Variants in CA10 observed in about 807,000 individuals in gnomAD.
The protein encoded by CA10 is carbonic anhydrase 10 (inactive), also known as carbonic anhydrase-related protein 10.
In CA10, 14 loss-of-function variants were observed where a neutral mutation model predicts 44.2. That is an observed-to-expected ratio of 0.32 (90% confidence interval 0.21 to 0.50). The LOEUF (loss-of-function observed/expected upper bound fraction) is 0.50. CA10 is among the 20% of genes least tolerant of loss of function. The pLI is 0.99. For missense variants in CA10, 350 were observed against 409.7 expected (o/e 0.85, Z 1.26); for synonymous variants, 159 against 141.6 (o/e 1.12, Z -0.87).
intron 3 of CA10, among the ~76,000 whole-genome samples, chr17:51,803,043 T>C (rs1278613494): frequency 6.6e-6 from 1 of 152,154 alleles, no homozygotes; most frequent in African/African-American, 2.4e-5. Flanking sequence ...AACATGCTAC[T>C]CCGGGTTTAA....
chr17:51,735,917 C>CA (rs11402206), intron 4 of CA10, among the ~76,000 whole-genome samples: 95,569 of 151,776 alleles, frequency 0.63, 30,637 homozygotes, highest in Admixed American at 0.72. Context: ...CAGTGATTGC[C>CA]GGGGCTAGGG....
intron 2 of CA10, among the ~76,000 whole-genome samples, chr17:51,983,604 CCTTTT>C (rs2144091355): frequency 7.8e-6 from 1 of 128,994 alleles, no homozygotes; most frequent in South Asian, 3.1e-4. Context: ...ATGTATTTCA[CCTTTT>C]ATTTGTTTAC....
At chr17:51,675,639 C>T (rs1914601597) in intron 4 of CA10, among the ~76,000 whole-genome samples, 1 of 151,784 alleles carries the variant, frequency 6.6e-6, no homozygotes, top group African/African-American at 2.4e-5. Flanking sequence ...TTGCTTGAAC[C>T]CTGGGGGCGG....
chr17:51,928,363 A>G (rs898536370), intron 3 of CA10, among the ~76,000 whole-genome samples: 3 of 152,174 alleles, frequency 2.0e-5, no homozygotes, highest in African/African-American at 7.2e-5. Context: ...AGTGCATAGG[A>G]TGAGAAGGAA....
At chr17:51,645,174 G>A (rs1913271635) in intron 6 of CA10, among the ~76,000 whole-genome samples, 2 of 152,144 alleles carry the variant, frequency 1.3e-5, no homozygotes, top group African/African-American at 4.8e-5. Flanking sequence ...GTCATGGTCA[G>A]TGCCATCGTC....
intron 4 of CA10, among the ~76,000 whole-genome samples, chr17:51,715,883 T>A (rs1916096490): frequency 1.3e-5 from 2 of 152,060 alleles, no homozygotes; most frequent in South Asian, 4.2e-4. Flanking sequence ...AGAGACGGGG[T>A]TTCACCATGT....
At chr17:52,042,964 T>TA (rs1175572541) in intron 2 of CA10, among the ~76,000 whole-genome samples, 1 of 152,088 alleles carries the variant, frequency 6.6e-6, no homozygotes, top group Non-Finnish European at 1.5e-5. Flanking sequence ...TGTCTGTTTT[T>TA]ATTCTAGTAC....
chr17:51,851,207 C>A (rs1171306743), intron 3 of CA10, among the ~76,000 whole-genome samples: 7 of 152,216 alleles, frequency 4.6e-5, no homozygotes, highest in Non-Finnish European at 1.0e-4. Context: ...TAATGCCCAT[C>A]TTAATATCTT....
At chr17:51,673,504 C>T (rs1320804053) in intron 4 of CA10, among the ~76,000 whole-genome samples, 1 of 152,182 alleles carries the variant, frequency 6.6e-6, no homozygotes, top group African/African-American at 2.4e-5. Context: ...TACTGAGACT[C>T]TTTTGTCTTC....
chr17:52,073,739 T>A (rs936972680), intron 1 of CA10, among the ~76,000 whole-genome samples: 4 of 152,076 alleles, frequency 2.6e-5, no homozygotes, highest in African/African-American at 9.7e-5. Flanking sequence ...TTGAGGAAGA[T>A]CCCGAGGTCA....
At chr17:52,012,611 T>C (rs1372641049) in intron 2 of CA10, among the ~76,000 whole-genome samples, 1 of 152,090 alleles carries the variant, frequency 6.6e-6, no homozygotes, top group Non-Finnish European at 1.5e-5. Context: ...AGTTAAACTA[T>C]GTTCAGTACG....
At chr17:51,930,945 T>C (rs758052617) in intron 3 of CA10, 45 bp downstream of exon 3, 1 of 1,606,980 alleles carries the variant, frequency 6.2e-7, no homozygotes. Context: ...AGAATCAAGA[T>C]GGCCCCATCT....
At chr17:51,987,813 AC>A (rs1362234325) in intron 2 of CA10, among the ~76,000 whole-genome samples, 10 of 152,130 alleles carry the variant, frequency 6.6e-5, no homozygotes, top group African/African-American at 2.4e-4. Context: ...CAAGGGAAAA[AC>A]AAAATTTGAG....
chr17:51,957,735 T>C (rs1983719591), intron 2 of CA10, among the ~76,000 whole-genome samples: 2 of 152,262 alleles, frequency 1.3e-5, no homozygotes, highest in African/African-American at 4.8e-5. Flanking sequence ...ACACACCAGC[T>C]ATATTCAACT....
chr17:51,819,937 C>A (rs1380572052), intron 3 of CA10, among the ~76,000 whole-genome samples: 2 of 151,938 alleles, frequency 1.3e-5, no homozygotes, highest in Non-Finnish European at 1.5e-5. Flanking sequence ...TTTGTTTATC[C>A]CCCTCTCTGT....
At chr17:52,046,068 T>A (rs1397441003) in intron 2 of CA10, among the ~76,000 whole-genome samples, 1 of 151,926 alleles carries the variant, frequency 6.6e-6, no homozygotes. Flanking sequence ...TGTGGGATGT[T>A]GCTAATGTAG....
intron 4 of CA10, among the ~76,000 whole-genome samples, chr17:51,739,966 A>G (rs553152756): frequency 6.6e-5 from 10 of 152,116 alleles, no homozygotes; most frequent in East Asian, 1.9e-4. Flanking sequence ...CAGGTTCTCA[A>G]TTGTTCCATT....
chr17:52,124,781 G>C (rs1439895181), intron 1 of CA10, among the ~76,000 whole-genome samples: 1 of 152,072 alleles, frequency 6.6e-6, no homozygotes, highest in Admixed American at 6.6e-5. Context: ...CATCCTTCTA[G>C]AACCTGTTAA....
chr17:52,039,489 G>C (rs1986709844), intron 2 of CA10, among the ~76,000 whole-genome samples: 1 of 152,116 alleles, frequency 6.6e-6, no homozygotes, highest in South Asian at 2.1e-4. Context: ...CAGACAGATG[G>C]CTGAACCAAT....
Sources: gnomAD v4.1 joint callset for allele counts (sites outside exome capture counted in the v4.1 genomes callset) on GRCh38, gnomAD v4.1.1 for gene constraint, MANE v1.5 for transcripts, NCBI Gene and HGNC (gene_info 2026-07-23, HGNC 2026-07-21) for gene names.